Variants in TLK1 observed in about 807,000 individuals in gnomAD.
The protein encoded by TLK1 is serine/threonine-protein kinase tousled-like 1.
A neutral mutation model predicts 105.3 loss-of-function variants in TLK1; 24 were observed. That is an observed-to-expected ratio of 0.23 (90% CI 0.17 to 0.32). The LOEUF is 0.32. Among genes scored for constraint, TLK1 ranks in the 10% least tolerant of loss-of-function variants. The pLI is 1.00. For missense variants in TLK1, 558 were observed against 910.5 expected (o/e 0.61, Z 4.98); for synonymous variants, 321 against 310.4 (o/e 1.03, Z -0.36).
intron 1 of TLK1, among the ~76,000 whole-genome samples, chr2:171,172,252 C>A (rs945853540): frequency 6.6e-6 from 1 of 152,026 alleles, no homozygotes; most frequent in African/African-American, 2.4e-5. Flanking sequence ...CAGTGGTTAC[C>A]CTTGAGAGGA....
chr2:171,034,203 G>C (rs566707291), intron 11 of TLK1, among the ~76,000 whole-genome samples: 7 of 152,248 alleles, frequency 4.6e-5, no homozygotes, highest in Admixed American at 3.3e-4. Context: ...AAAATAAGCA[G>C]TTCTTGAACA....
At chr2:171,073,754 T>G (rs1688364570) in intron 3 of TLK1, among the ~76,000 whole-genome samples, 1 of 152,108 alleles carries the variant, frequency 6.6e-6, no homozygotes, top group African/African-American at 2.4e-5. Flanking sequence ...AATTAAATAC[T>G]GTTTTCTCTT....
chr2:171,035,353 A>G (rs74763611), intron 11 of TLK1, among the ~76,000 whole-genome samples: 2,550 of 132,260 alleles, frequency 0.019, 64 homozygotes, highest in African/African-American at 0.061. Flanking sequence ...AAAAAAAAAA[A>G]GGGGGTTGGG....
intron 8 of TLK1, 103 bp downstream of exon 8, chr2:171,053,658 G>C: frequency 1.1e-6 from 1 of 891,382 alleles, no homozygotes; most frequent in Non-Finnish European, 1.7e-6. Flanking sequence ...ACTGCGCCTG[G>C]CCTAGCTACA....
In TLK1 at chr2:171,131,450, G is replaced by C. The variant is rs114902736; in HGVS notation, c.140-13593C>G. Reference sequence around the variant, plus strand: ...TATAACTCTAAAAGCTGCCAAAACAGAGTGGCAGATGCAAAGTTCTATAGT... The same window carrying C: ...TATAACTCTAAAAGCTGCCAAAACACAGTGGCAGATGCAAAGTTCTATAGT... On this transcript the variant is annotated intron_variant, in intron 1 of 20. Coordinates refer to ENST00000431350, the MANE Select transcript of TLK1 (RefSeq NM_012290.5). Among the ~76,000 whole-genome samples the C allele has an allele frequency of 5.1e-3, 773 of 152,264 alleles. 6 individuals are homozygous for C. Among genetic ancestry groups the C allele is most frequent in the African/African-American group, 0.017 (719 of 41,546 alleles).
chr2:171,061,406 G>A (rs1024647070), intron 3 of TLK1, among the ~76,000 whole-genome samples: 11 of 152,132 alleles, frequency 7.2e-5, no homozygotes, highest in Admixed American at 5.2e-4. Flanking sequence ...GACATGAAGT[G>A]GATGAAAAAT....
rs1683836729 is a variant in TLK1 at position 170,992,736 on chromosome 2, T to C, written c.*1044A>G. 1 of 152,604 alleles carries C rather than the reference T, an allele frequency of 6.6e-6. No homozygotes were observed. Among genetic ancestry groups the C allele is most frequent in the Non-Finnish European group, 1.5e-5 (1 of 68,008 alleles). 9.5% of individuals were successfully genotyped at this position (152,604 alleles called of 1,614,324 possible). Reference sequence around the variant, plus strand: ...AACTTGCACCTTCTAGGTCATTTAATTTTTTAGCAAAGAAGCAACATCATT... The same window carrying C: ...AACTTGCACCTTCTAGGTCATTTAACTTTTTAGCAAAGAAGCAACATCATT... On this transcript the variant is annotated 3_prime_UTR_variant, in exon 21 of 21. Transcript: ENST00000431350.
intron 11 of TLK1, among the ~76,000 whole-genome samples, chr2:171,043,924 T>C (rs1464011858): frequency 1.3e-5 from 2 of 152,228 alleles, no homozygotes; most frequent in Non-Finnish European, 2.9e-5. Flanking sequence ...GTCATTCACC[T>C]GGCTTTTGGT....
intron 2 of TLK1, among the ~76,000 whole-genome samples, chr2:171,099,669 G>C (rs1034366229): frequency 5.9e-5 from 9 of 152,124 alleles, no homozygotes; most frequent in African/African-American, 1.7e-4. Flanking sequence ...CAGATCAGCA[G>C]AACAGAATTA....
At chr2:171,079,035 C>T (rs1484192965) in intron 3 of TLK1, among the ~76,000 whole-genome samples, 2 of 152,176 alleles carry the variant, frequency 1.3e-5, no homozygotes, top group East Asian at 1.9e-4. Flanking sequence ...AGTCCCTCTA[C>T]CAGAAGTTTG....
At chr2:171,104,719 A>C (rs982993875) in intron 2 of TLK1, among the ~76,000 whole-genome samples, 2 of 152,196 alleles carry the variant, frequency 1.3e-5, no homozygotes, top group African/African-American at 4.8e-5. Context: ...GATCCTCCCA[A>C]AGTGCTGGGA....
Position 171,030,694 on chromosome 2 carries a change from C to T in TLK1, c.1170-2289G>A, listed in dbSNP as rs537069682. ...TTCTTAAAGTATGGTTTAAGGTCCA[C>T]TAGTAGGCCATAGTATGGGCTCATA... On this transcript the variant is annotated intron_variant, in intron 11 of 20. Coordinates refer to ENST00000431350, the MANE Select transcript of TLK1 (RefSeq NM_012290.5). 5.3e-5 allele frequency among the ~76,000 whole-genome samples: 8 copies of T among 152,234 alleles called. No individual in the cohort carries two copies. The South Asian group carries it at 8.3e-4, about 16-fold the overall frequency.
At chr2:171,016,400 T>C (rs962721991) in intron 12 of TLK1, among the ~76,000 whole-genome samples, 2 of 152,130 alleles carry the variant, frequency 1.3e-5, no homozygotes, top group African/African-American at 2.4e-5. Flanking sequence ...TCTCAAAGTG[T>C]TGGGATTATA....
intron 1 of TLK1, among the ~76,000 whole-genome samples, chr2:171,185,814 A>G (rs547255043): frequency 2.9e-4 from 44 of 152,284 alleles, no homozygotes; most frequent in Non-Finnish European, 3.8e-4. Context: ...GAATTCCTTA[A>G]TGGCAGAAAT....
At chr2:171,173,065 C>T (rs1191654530) in intron 1 of TLK1, among the ~76,000 whole-genome samples, 3 of 152,244 alleles carry the variant, frequency 2.0e-5, no homozygotes, top group Non-Finnish European at 2.9e-5. Context: ...ATGTTTATCA[C>T]AGAGTCAAAG....
chr2:171,040,717 T>C (rs1046670455), intron 11 of TLK1, among the ~76,000 whole-genome samples: 1 of 151,736 alleles, frequency 6.6e-6, no homozygotes, highest in Non-Finnish European at 1.5e-5. Flanking sequence ...GCTGGGACTA[T>C]AGGTACATAC....
At chr2:171,019,536 CTAGTT>C (rs1468762217) in intron 12 of TLK1, among the ~76,000 whole-genome samples, 5 of 152,022 alleles carry the variant, frequency 3.3e-5, no homozygotes, top group African/African-American at 7.3e-5. Flanking sequence ...ATTAAACTTG[CTAGTT>C]TAAAGTTATT....
In TLK1 at chr2:170,993,668, T is replaced by TAAAAAAAAAAAAAAAA. The variant is rs71008739; in HGVS notation, c.*96_*111dup. 2 of 433,810 alleles carry TAAAAAAAAAAAAAAAA rather than the reference T, an allele frequency of 4.6e-6. No individual in the cohort carries two copies. The highest frequency in any genetic ancestry group is 7.2e-5 in the South Asian group (1 of 13,944). 26.9% of individuals were successfully genotyped at this position (433,810 alleles called of 1,614,324 possible). Reference sequence around the variant, plus strand: ...AAACAGTTCTTAACCACGTCTTGTGTAAAAAAAAAAAAAAAAAAAAAAGAA... The same window carrying TAAAAAAAAAAAAAAAA: ...AAACAGTTCTTAACCACGTCTTGTGTAAAAAAAAAAAAAAAAAAAAAAAAAAAAAAAAAAAAAAGAA... On this transcript the variant is annotated 3_prime_UTR_variant, in exon 21 of 21. Coordinates refer to ENST00000431350, the MANE Select transcript of TLK1 (RefSeq NM_012290.5).
intron 20 of TLK1, among the ~76,000 whole-genome samples, chr2:170,994,422 CAGGTTAACCCTAT>C (rs1683950233): frequency 6.6e-6 from 1 of 151,670 alleles, no homozygotes; most frequent in Non-Finnish European, 1.5e-5. Flanking sequence ...CATTGTTTCC[CAGGTTAACCCTAT>C]GCATCATTAC....
Sources: gnomAD v4.1 joint callset for allele counts (sites outside exome capture counted in the v4.1 genomes callset) on GRCh38, gnomAD v4.1.1 for gene constraint, MANE v1.5 for transcripts, NCBI Gene and HGNC (gene_info 2026-07-23, HGNC 2026-07-21) for gene names.